The following LCOR variants were observed in gnomAD, a reference collection of about 807,000 sequenced individuals.
The protein encoded by LCOR is ligand-dependent corepressor.
A neutral mutation model predicts 64.4 loss-of-function variants in LCOR; 14 were observed. That is an observed-to-expected ratio of 0.22 (90% CI 0.14 to 0.34). The LOEUF (loss-of-function observed/expected upper bound fraction) is 0.34. LCOR is among the 10% of genes least tolerant of loss of function. The probability of loss-of-function intolerance (pLI) is 1.00; values close to 1 mark genes in which losing one functional copy is unlikely to be tolerated. For missense variants in LCOR, 1,686 were observed against 1,765.3 expected (o/e 0.96, Z 0.80); for synonymous variants, 643 against 642.5 (o/e 1.00, Z -0.01).
At chr10:96,868,721 A>G (rs894897857) in intron 2 of LCOR, among the ~76,000 whole-genome samples, 4 of 152,160 alleles carry the variant, frequency 2.6e-5, no homozygotes, top group African/African-American at 4.8e-5. Flanking sequence ...CTTTCATAGC[A>G]CTTTTAATGA....
Position 96,982,715 on chromosome 10 carries a change from C to A in LCOR, c.2255C>A (p.Thr752Asn). Residue 752 changes from threonine (T) to asparagine (N), a missense_variant, in exon 8 of 8, where the codon ACT becomes AAT. This residue lies in a region of LCOR where 1,293 missense variants were observed against 1,410.4 expected (regional missense o/e 0.92). Transcript: ENST00000421806. ...NVDPLLKESS[T>N]FTDENPSETE... ...GACCCACTCTTGAAGGAAAGCAGCACTTTTACTGATGAAAACCCCAGTGAA... is the reference window on the plus strand; with the variant it reads ...GACCCACTCTTGAAGGAAAGCAGCAATTTTACTGATGAAAACCCCAGTGAA... 1 of 1,614,154 alleles carries A rather than the reference C, an allele frequency of 6.2e-7. No homozygotes were observed. The highest frequency in any genetic ancestry group is 8.5e-7 in the Non-Finnish European group (1 of 1,180,036).
In LCOR at chr10:96,949,154, C is replaced by G. The variant is rs1847634845; in HGVS notation, c.97C>G (p.Leu33Val). Residue 33 changes from leucine to valine, a missense_variant, in exon 6 of 8, where the codon CTG becomes GTG. By Grantham distance (32) the Leu-to-Val change is conservative. Transcript: ENST00000421806. Reference protein sequence around the residue: ...SQPNSTKNQSLPKASPVTTSP... With the variant: ...SQPNSTKNQSVPKASPVTTSP... ...GCCCAATAGCACAAAGAACCAAAGC[C>G]TGCCGAAAGCATCTCCAGTCACCAC... 2 of 1,614,096 alleles carry G rather than the reference C, an allele frequency of 1.2e-6. No homozygotes were observed. The highest frequency in any genetic ancestry group is 1.6e-4 in the Middle Eastern group (1 of 6,062).
chr10:96,982,871 A>T lies in LCOR; in HGVS notation c.2411A>T (p.Lys804Ile), dbSNP rs770660687. 26 of 1,613,920 alleles carry T rather than the reference A, an allele frequency of 1.6e-5. No homozygotes were observed. Among genetic ancestry groups the T allele is most frequent in the Non-Finnish European group, 1.9e-5 (23 of 1,180,036 alleles). Residue 804 changes from lysine (K) to isoleucine (I), a missense_variant, in exon 8 of 8, where the codon AAA (lysine) becomes ATA (isoleucine). Around this residue, in one of 3 missense-constraint regions of LCOR, gnomAD observed 1,293 missense variants for 1,410.4 expected, o/e 0.92. Transcript: ENST00000421806. ...DSLEENLDKK[K>I]KGKKFPEASD... is the part of the protein sequence containing the mutation. ...CTCGAAGAGAATTTGGACAAGAAGA[A>T]AAAAGGTAAAAAATTCCCTGAGGCC...
chr10:96,848,556 G>T (rs1845670415), intron 2 of LCOR, among the ~76,000 whole-genome samples: 1 of 152,170 alleles, frequency 6.6e-6, no homozygotes, highest in Non-Finnish European at 1.5e-5. Flanking sequence ...TACTCAGGAG[G>T]CTGAGGTGGG....
intron 2 of LCOR, among the ~76,000 whole-genome samples, chr10:96,867,918 CTT>C (rs1448874255): frequency 6.6e-6 from 1 of 151,898 alleles, no homozygotes; most frequent in East Asian, 1.9e-4. Flanking sequence ...GAGTCTCTCT[CTT>C]GTTGCTCAGG....
chr10:96,854,969 TCTC>T (rs1845779052), intron 2 of LCOR, among the ~76,000 whole-genome samples: 2 of 152,326 alleles, frequency 1.3e-5, no homozygotes, highest in Non-Finnish European at 1.5e-5. Context: ...GGATCCTTTC[TCTC>T]CTCCTCTTAT....
intron 7 of LCOR, among the ~76,000 whole-genome samples, chr10:96,979,985 A>T (rs926638389): frequency 1.8e-4 from 27 of 152,222 alleles, no homozygotes; most frequent in African/African-American, 6.5e-4. Context: ...CTCTACTAAA[A>T]TACAAAAAAT....
At chr10:96,832,423 C>T in intron 1 of LCOR, 24 bp downstream of exon 1, 2 of 934,472 alleles carry the variant, frequency 2.1e-6, no homozygotes, top group Non-Finnish European at 2.6e-6. Flanking sequence ...CCGACCGCCG[C>T]CGCCCCTCCG....
intron 2 of LCOR, among the ~76,000 whole-genome samples, chr10:96,879,947 G>A (rs1416627409): frequency 2.0e-5 from 3 of 152,212 alleles, no homozygotes; most frequent in Non-Finnish European, 2.9e-5. Context: ...ACAGGTGTGA[G>A]CCACCGTGCC....
intron 2 of LCOR, among the ~76,000 whole-genome samples, chr10:96,906,075 T>C (rs1473865366): frequency 6.6e-6 from 1 of 152,154 alleles, no homozygotes; most frequent in South Asian, 2.1e-4. Flanking sequence ...GGGCCTTATG[T>C]GTCCGGCAGG....
intron 2 of LCOR, among the ~76,000 whole-genome samples, chr10:96,853,262 G>T (rs1845750002): frequency 1.3e-5 from 2 of 152,056 alleles, no homozygotes; most frequent in South Asian, 4.2e-4. Context: ...CGTTGGCCAG[G>T]CTCTTGAACT....
Position 96,845,698 on chromosome 10 carries a change from A to C in LCOR, c.-330+12219A>C, listed in dbSNP as rs574955500. Among the ~76,000 whole-genome samples the C allele has an allele frequency of 4.0e-5, 6 of 150,296 alleles. No individual in the cohort carries two copies. The South Asian group carries it at 1.3e-3, about 32-fold the overall frequency. On this transcript the variant is annotated intron_variant, in intron 2 of 7. Coordinates refer to ENST00000421806, the MANE Select transcript of LCOR (RefSeq NM_001346516.2). ...TAGCCAGGATGATGTCGATCTCCTG[A>C]CCTCGTGATCTACCCGCCTCGGCCT...
At chr10:96,848,669 C>CAA (rs1018787487) in intron 2 of LCOR, among the ~76,000 whole-genome samples, 4 of 151,892 alleles carry the variant, frequency 2.6e-5, no homozygotes, top group African/African-American at 9.7e-5. Context: ...AAAAACAAAA[C>CAA]AAAACAACAA....
At chr10:96,949,693 A>G (rs1342956319) in intron 6 of LCOR, among the ~76,000 whole-genome samples, 1 of 152,240 alleles carries the variant, frequency 6.6e-6, no homozygotes, top group Admixed American at 6.5e-5. Context: ...CTCTACTTGC[A>G]GGTATAAGTT....
intron 2 of LCOR, among the ~76,000 whole-genome samples, chr10:96,898,261 G>A (rs959731488): frequency 2.6e-5 from 4 of 152,182 alleles, no homozygotes; most frequent in Non-Finnish European, 5.9e-5. Context: ...GAGGGTTGCA[G>A]GAAGAACATT....
chr10:96,942,692 TAGAA>T (rs1289469160), intron 4 of LCOR, among the ~76,000 whole-genome samples: 1 of 152,196 alleles, frequency 6.6e-6, no homozygotes, highest in South Asian at 2.1e-4. Flanking sequence ...TGGGAAATCA[TAGAA>T]AGCTGGTTGC....
chr10:96,925,409 A>G (rs1162677007), intron 4 of LCOR, among the ~76,000 whole-genome samples: 1 of 152,174 alleles, frequency 6.6e-6, no homozygotes, highest in Non-Finnish European at 1.5e-5. Flanking sequence ...ACATTTTTTA[A>G]TAGGATGGAA....
intron 2 of LCOR, among the ~76,000 whole-genome samples, chr10:96,901,052 G>A (rs1846627760): frequency 6.6e-6 from 1 of 151,948 alleles, no homozygotes; most frequent in Admixed American, 6.5e-5. Context: ...AGTCAGGCGT[G>A]GTGGCGGGCG....
chr10:96,910,505 A>G (rs1189921202), intron 4 of LCOR, among the ~76,000 whole-genome samples: 3 of 152,254 alleles, frequency 2.0e-5, no homozygotes, highest in Admixed American at 1.3e-4. Context: ...TGTTAGACTT[A>G]AAGTGTTTAT....
Sources: gnomAD v4.1 joint callset for allele counts (sites outside exome capture counted in the v4.1 genomes callset) on GRCh38, gnomAD v4.1.1 for gene constraint, gnomAD v4.1.1 regional missense constraint, MANE v1.5 for transcripts, NCBI Gene and HGNC (gene_info 2026-07-23, HGNC 2026-07-21) for gene names.